Variants in XKR9 observed in about 807,000 individuals in gnomAD.
XKR9 encodes XK-related protein 9.
Under a neutral mutation model 32.0 loss-of-function variants are expected in XKR9, and 32 were observed. That is an observed-to-expected ratio of 1.00 (90% CI 0.76 to 1.34). XKR9 has a LOEUF of 1.34. Among genes scored for constraint, XKR9 ranks in the 40% most tolerant of loss-of-function variants. XKR9 has a pLI of 0.00. For missense variants in XKR9, 546 were observed against 429.7 expected, an observed-to-expected ratio of 1.27 and a Z score of -2.39; for synonymous variants, 168 against 143.4, an observed-to-expected ratio of 1.17 and a Z score of -1.22.
At chr8:70,785,737 CTCTA>C (rs1359297770) in intron 2 of XKR9, among the ~76,000 whole-genome samples, 4,357 of 115,596 alleles carry the variant, frequency 0.038, 83 homozygotes, top group African/African-American at 0.051. Flanking sequence ...CTCTCTCTCT[CTCTA>C]TATATATATA....
intron 2 of XKR9, among the ~76,000 whole-genome samples, chr8:70,741,164 T>C (rs771142662): frequency 6.6e-6 from 1 of 152,240 alleles, no homozygotes; most frequent in Non-Finnish European, 1.5e-5. Context: ...TAAGCAAGCC[T>C]GGGCAATGGT....
At chr8:70,950,984 T>A in the XKR9 span, among the ~76,000 whole-genome samples, 27 of 152,328 alleles carry the variant, frequency 1.8e-4, no homozygotes, top group African/African-American at 5.3e-4. Flanking sequence ...TTCCTTCTCC[T>A]TTTCTTGTTC....
downstream of XKR9, among the ~76,000 whole-genome samples, chr8:70,739,653 G>C (rs909836579): frequency 1.1e-4 from 16 of 151,986 alleles, no homozygotes; most frequent in African/African-American, 3.6e-4. Flanking sequence ...GCTCTTTTAG[G>C]GCAAGCTTGG....
At chr8:70,853,308 ATAGT>A in the XKR9 span, among the ~76,000 whole-genome samples, 1 of 152,024 alleles carries the variant, frequency 6.6e-6, no homozygotes, top group African/African-American at 2.4e-5. Flanking sequence ...GTAAAAAAAA[ATAGT>A]TAGAAAAAAT....
chr8:71,025,247 C>T, the XKR9 span, among the ~76,000 whole-genome samples: 1 of 152,144 alleles, frequency 6.6e-6, no homozygotes, highest in Admixed American at 6.5e-5. Context: ...GCTTGACAGG[C>T]AACTCTCAGA....
chr8:70,921,574 T>A, the XKR9 span, among the ~76,000 whole-genome samples: 4 of 152,228 alleles, frequency 2.6e-5, no homozygotes. Context: ...GTTTTATTAT[T>A]TAAGTTTCTC....
At chr8:70,809,967 C>T in the XKR9 span, among the ~76,000 whole-genome samples, 1 of 152,088 alleles carries the variant, frequency 6.6e-6, no homozygotes, top group Non-Finnish European at 1.5e-5. Flanking sequence ...TCGAGAAGAG[C>T]AACTCCAAGA....
the XKR9 span, among the ~76,000 whole-genome samples, chr8:71,028,901 A>C: frequency 7.4e-6 from 1 of 135,666 alleles, no homozygotes; most frequent in Non-Finnish European, 1.6e-5. Flanking sequence ...TGAGAGAGAC[A>C]CACAGAAAGA....
At chr8:70,918,500 G>A in the XKR9 span, among the ~76,000 whole-genome samples, 1 of 152,054 alleles carries the variant, frequency 6.6e-6, no homozygotes, top group South Asian at 2.1e-4. Context: ...CAGTGCAACT[G>A]GGGTGTGAAC....
the XKR9 span, among the ~76,000 whole-genome samples, chr8:70,913,803 C>T: frequency 3.3e-5 from 5 of 152,064 alleles, no homozygotes; most frequent in South Asian, 4.1e-4. Flanking sequence ...TTTACTTTGG[C>T]TGTTTTGGAA....
the XKR9 span, among the ~76,000 whole-genome samples, chr8:70,862,937 G>A: frequency 5.9e-5 from 9 of 152,174 alleles, no homozygotes; most frequent in African/African-American, 2.2e-4. Flanking sequence ...GGACACGCAG[G>A]AGATAAGGAG....
At chr8:70,918,688 G>A in the XKR9 span, among the ~76,000 whole-genome samples, 1 of 149,720 alleles carries the variant, frequency 6.7e-6, no homozygotes, top group Non-Finnish European at 1.5e-5. Context: ...GCAAGACTCT[G>A]TCTCAGAAAA....
the XKR9 span, among the ~76,000 whole-genome samples, chr8:71,047,561 C>G: frequency 6.6e-6 from 1 of 152,324 alleles, no homozygotes; most frequent in Non-Finnish European, 1.5e-5. Flanking sequence ...AAATGTCAGT[C>G]TTTCCAGGAA....
At chr8:70,776,945 C>CTATATATATA (rs1393735829) in intron 2 of XKR9, among the ~76,000 whole-genome samples, 56 of 62,518 alleles carry the variant, frequency 9.0e-4, no homozygotes, top group African/African-American at 5.1e-3. Flanking sequence ...CTCTCTCTCT[C>CTATATATATA]TCTATATATA....
At chr8:70,975,352 T>C in the XKR9 span, among the ~76,000 whole-genome samples, 1 of 152,246 alleles carries the variant, frequency 6.6e-6, no homozygotes, top group Non-Finnish European at 1.5e-5. Context: ...CTAGGTTTTC[T>C]TCTAGGGTTT....
the XKR9 span, among the ~76,000 whole-genome samples, chr8:70,894,386 C>T: frequency 6.6e-6 from 1 of 152,068 alleles, no homozygotes; most frequent in Non-Finnish European, 1.5e-5. Context: ...TAGTTCAGTT[C>T]CAGGGAAGCA....
Position 70,707,147 on chromosome 8 carries a change from A to T in XKR9, c.487A>T (p.Ser163Cys), listed in dbSNP as rs200732845. 4.3e-6 allele frequency: 7 copies of T among 1,612,380 alleles called. No individual in the cohort carries two copies. The highest frequency in any genetic ancestry group is 3.3e-4 in the Middle Eastern group (2 of 6,052). ...ILLEHGQANF[S>C]QYAAIMVSCC... ...TCTGGAGCATGGACAAGCGAATTTCAGTCAGTGTAAGTTTTTCTTAACTCC... is the reference window on the plus strand; with the variant it reads ...TCTGGAGCATGGACAAGCGAATTTCTGTCAGTGTAAGTTTTTCTTAACTCC... Residue 163 changes from serine to cysteine, a missense_variant, in exon 4 of 5, where the codon AGT (serine) becomes TGT (cysteine). Transcript: ENST00000408926.
chr8:70,752,321 A>G (rs1807153892), intron 2 of XKR9, among the ~76,000 whole-genome samples: 1 of 152,192 alleles, frequency 6.6e-6, no homozygotes, highest in Non-Finnish European at 1.5e-5. Context: ...GGTAATTTGT[A>G]AAGGAAAGAG....
chr8:71,030,017 T>C, the XKR9 span, among the ~76,000 whole-genome samples: 1 of 151,998 alleles, frequency 6.6e-6, no homozygotes, highest in South Asian at 2.1e-4. Context: ...ATGTGTGAGA[T>C]GTCTTGGTAA....
Sources: gnomAD v4.1 joint callset for allele counts (sites outside exome capture counted in the v4.1 genomes callset) on GRCh38, gnomAD v4.1.1 for gene constraint, MANE v1.5 for transcripts, NCBI Gene and HGNC (gene_info 2026-07-23, HGNC 2026-07-21) for gene names.